The following PRICKLE2 variants were observed in gnomAD, a reference collection of about 807,000 sequenced individuals.
The protein encoded by PRICKLE2 is prickle-like protein 2.
PRICKLE2 carries 21 observed loss-of-function variants against 81.4 expected under a neutral mutation model. The ratio of observed to expected loss-of-function variants is 0.26; its 90% confidence interval spans 0.18 to 0.37. The LOEUF (loss-of-function observed/expected upper bound fraction) is 0.37. Among genes scored for constraint, PRICKLE2 ranks in the 10% least tolerant of loss-of-function variants. The pLI, the probability that PRICKLE2 is intolerant of heterozygous loss-of-function variation, is 1.00. For synonymous variants in PRICKLE2, 456 were observed against 421.5 expected (o/e 1.08, Z -1.00); for missense variants, 940 against 1,109.0 (o/e 0.85, Z 2.16).
At chr3:64,185,814 A>T (rs2078219881) in intron 2 of PRICKLE2, among the ~76,000 whole-genome samples, 1 of 152,252 alleles carries the variant, frequency 6.6e-6, no homozygotes, top group Non-Finnish European at 1.5e-5. Flanking sequence ...AATCACATGC[A>T]AGTATACAAT....
chr3:64,167,458 T>C (rs781420762), intron 2 of PRICKLE2, among the ~76,000 whole-genome samples: 1 of 152,204 alleles, frequency 6.6e-6, no homozygotes, highest in Non-Finnish European at 1.5e-5. Flanking sequence ...AACTGGCTTA[T>C]GAAAATGAAA....
At chr3:64,232,659 G>A (rs1050048273) in intron 2 of PRICKLE2, among the ~76,000 whole-genome samples, 4 of 149,156 alleles carry the variant, frequency 2.7e-5, no homozygotes, top group Non-Finnish European at 3.0e-5. Context: ...CTCTGGTCTA[G>A]GGTAGGGTCT....
At chr3:64,184,482 A>T (rs759164305) in intron 2 of PRICKLE2, among the ~76,000 whole-genome samples, 1 of 151,928 alleles carries the variant, frequency 6.6e-6, no homozygotes, top group Non-Finnish European at 1.5e-5. Flanking sequence ...TTTTAATTTT[A>T]TTTTTTTTAA....
chr3:64,215,682 G>A (rs2078860791), intron 1 of PRICKLE2, among the ~76,000 whole-genome samples: 1 of 152,154 alleles, frequency 6.6e-6, no homozygotes, highest in Admixed American at 6.5e-5. Flanking sequence ...TACATGACGA[G>A]TAGTGTTTGG....
chr3:64,244,274 C>A (rs1240756891), intron 2 of PRICKLE2, among the ~76,000 whole-genome samples: 2 of 152,028 alleles, frequency 1.3e-5, no homozygotes, highest in Non-Finnish European at 2.9e-5. Context: ...GGCTGGATAC[C>A]CTGGAATCTC....
intron 6 of PRICKLE2, among the ~76,000 whole-genome samples, chr3:64,149,969 CTTT>C (rs34841544): frequency 3.5e-4 from 38 of 109,710 alleles, no homozygotes; most frequent in Admixed American, 9.3e-4. Context: ...TCAACTCCAT[CTTT>C]TTTTTTTTTT....
chr3:64,149,847 T>C (rs906340294), intron 6 of PRICKLE2, among the ~76,000 whole-genome samples: 1 of 152,182 alleles, frequency 6.6e-6, no homozygotes, highest in Non-Finnish European at 1.5e-5. Flanking sequence ...GGTTCTCTTT[T>C]CATTTTGAAA....
chr3:64,205,028 A>C (rs1454023945), intron 1 of PRICKLE2, among the ~76,000 whole-genome samples: 1 of 151,996 alleles, frequency 6.6e-6, no homozygotes, highest in South Asian at 2.1e-4. Flanking sequence ...GTGTGTGGGG[A>C]AATATATGAT....
At chr3:64,201,918 G>A (rs2107120863) in intron 1 of PRICKLE2, among the ~76,000 whole-genome samples, 1 of 152,088 alleles carries the variant, frequency 6.6e-6, no homozygotes, top group East Asian at 1.9e-4. Flanking sequence ...TTTTGTATAT[G>A]GCACTAAGTA....
At position 64,140,239 on chromosome 3, in the gene PRICKLE2, G is replaced by C. The variant is rs2077339996; in HGVS notation, c.1660+6591C>G. Among the ~76,000 whole-genome samples, 5 of 152,204 alleles carry C rather than the reference G, an allele frequency of 3.3e-5. No individual in the cohort carries two copies. The South Asian group carries it at 1.0e-3, about 31-fold the overall frequency. ...GATAAATCCGTTGCCCAAGGTCACA[G>C]AGCTATTAAACTATAAGTCCAGTTT... On this transcript the variant is annotated intron_variant, in intron 7 of 7. Coordinates refer to ENST00000638394, the MANE Select transcript of PRICKLE2 (RefSeq NM_198859.4).
At chr3:64,102,634 T>C (rs2076685829) in intron 7 of PRICKLE2, 1 of 152,150 alleles carries the variant, frequency 6.6e-6, no homozygotes, top group Non-Finnish European at 1.5e-5. Flanking sequence ...ATAAAGTACA[T>C]AATAAATGTA....
chr3:64,143,467 C>T (rs553767774), intron 7 of PRICKLE2, among the ~76,000 whole-genome samples: 6 of 152,268 alleles, frequency 3.9e-5, no homozygotes, highest in East Asian at 1.9e-4. Context: ...ATGGAAACCG[C>T]GTCCACTCCC....
At chr3:64,203,448 G>A (rs1002923289) in intron 1 of PRICKLE2, among the ~76,000 whole-genome samples, 9 of 152,166 alleles carry the variant, frequency 5.9e-5, no homozygotes, top group African/African-American at 2.2e-4. Context: ...TTACTAGAAA[G>A]TCATACTTGA....
At chr3:64,199,227 C>G in intron 1 of PRICKLE2, 1 of 586,926 alleles carries the variant, frequency 1.7e-6, no homozygotes, top group Non-Finnish European at 3.0e-6. Flanking sequence ...CCCCAGCCTT[C>G]TCTTCTAAAT....
At chr3:64,209,733 C>T (rs116175821) in intron 1 of PRICKLE2, among the ~76,000 whole-genome samples, 1,684 of 152,292 alleles carry the variant, frequency 0.011, 31 homozygotes, top group African/African-American at 0.039. Context: ...ACATGCCTGC[C>T]TTCGTGGAGC....
intron 2 of PRICKLE2, among the ~76,000 whole-genome samples, chr3:64,240,275 T>C (rs756148117): frequency 1.3e-5 from 2 of 152,176 alleles, no homozygotes; most frequent in African/African-American, 2.4e-5. Flanking sequence ...AGGAAAACAG[T>C]TGGAAGAACA....
At chr3:64,149,123 A>G (rs562413341) in intron 6 of PRICKLE2, among the ~76,000 whole-genome samples, 1 of 152,170 alleles carries the variant, frequency 6.6e-6, no homozygotes, top group Non-Finnish European at 1.5e-5. Flanking sequence ...GCCTGGCCAC[A>G]CTGCGTACTA....
At chr3:64,121,418 G>A (rs1360594018) in intron 7 of PRICKLE2, among the ~76,000 whole-genome samples, 1 of 151,952 alleles carries the variant, frequency 6.6e-6, no homozygotes, top group Non-Finnish European at 1.5e-5. Flanking sequence ...TCATAAACAT[G>A]TTTTGAGAAA....
At chr3:64,121,153 G>T (rs704382) in intron 7 of PRICKLE2, among the ~76,000 whole-genome samples, 123,685 of 152,024 alleles carry the variant, frequency 0.81, 50,802 homozygotes, top group East Asian at 0.98. Flanking sequence ...GTCCTCCAGG[G>T]CCCTCAAATC....
Sources: gnomAD v4.1 joint callset for allele counts (sites outside exome capture counted in the v4.1 genomes callset) on GRCh38, gnomAD v4.1.1 for gene constraint, MANE v1.5 for transcripts, NCBI Gene and HGNC (gene_info 2026-07-23, HGNC 2026-07-21) for gene names.